Variants in ACYP2 observed in about 807,000 individuals in gnomAD.
ACYP2 encodes the protein acylphosphatase 2.
Under a neutral mutation model 11.2 loss-of-function variants are expected in ACYP2, and 12 were observed. That is an observed-to-expected ratio of 1.08 (90% CI 0.69 to 1.74). The LOEUF is 1.74. Among genes scored for constraint, ACYP2 ranks in the 40% most tolerant of loss-of-function variants. ACYP2 has a pLI of 0.00. For missense variants in ACYP2, 134 were observed against 101.9 expected (o/e 1.31, Z -1.35); for synonymous variants, 43 against 32.2 (o/e 1.33, Z -1.13).
intron 6 of ACYP2, among the ~76,000 whole-genome samples, chr2:54,206,604 C>T (rs929837156): frequency 9.2e-5 from 14 of 152,280 alleles, no homozygotes; most frequent in African/African-American, 3.1e-4. Flanking sequence ...TTTATTTATG[C>T]CAGGTGCCTA....
chr2:54,245,060 CTTCT>C (rs998092631), intron 6 of ACYP2, among the ~76,000 whole-genome samples: 2 of 152,122 alleles, frequency 1.3e-5, no homozygotes, highest in African/African-American at 4.8e-5. Context: ...CCTCTAGTAA[CTTCT>C]TTTCTACTTT....
chr2:54,186,318 T>G (rs939298664), intron 6 of ACYP2, among the ~76,000 whole-genome samples: 12 of 152,094 alleles, frequency 7.9e-5, no homozygotes, highest in African/African-American at 2.9e-4. Flanking sequence ...TATAGAGAAA[T>G]AGCTTCTCTC....
At chr2:54,202,590 T>C (rs1357321258) in intron 6 of ACYP2, among the ~76,000 whole-genome samples, 1 of 149,042 alleles carries the variant, frequency 6.7e-6, no homozygotes, top group Non-Finnish European at 1.5e-5. Flanking sequence ...GTATTTTAAG[T>C]AGAGACAGGG....
At chr2:54,217,741 G>T (rs954138454) in intron 6 of ACYP2, among the ~76,000 whole-genome samples, 1 of 152,072 alleles carries the variant, frequency 6.6e-6, no homozygotes, top group Non-Finnish European at 1.5e-5. Context: ...TTGGGGAAAA[G>T]ATCATGGGTT....
In ACYP2 at chr2:54,304,922, G is replaced by A. The variant is rs762051842; in HGVS notation, c.*120G>A. On this transcript the variant is annotated 3_prime_UTR_variant, in exon 7 of 7. Coordinates refer to ENST00000607452, the MANE Select transcript of ACYP2 (RefSeq NM_001320586.2). Reference sequence around the variant, plus strand: ...GAACTTTCTGTTCTGAAAGCTAAGCGACTGTACGTGCTACTAAAAATGTCT... The same window carrying A: ...GAACTTTCTGTTCTGAAAGCTAAGCAACTGTACGTGCTACTAAAAATGTCT... The A allele has an allele frequency of 5.9e-5, 29 of 490,110 alleles. No homozygotes were observed. Among genetic ancestry groups the A allele is most frequent in the South Asian group, 3.8e-4 (7 of 18,360 alleles). 30.4% of individuals were successfully genotyped at this position (490,110 alleles called of 1,614,324 possible).
rs1465407339 is a variant in ACYP2 at position 54,013,289 on chromosome 2, G to A, written c.63-37669G>A. On this transcript the variant is annotated intron_variant, in intron 2 of 6. Transcript: ENST00000607452. The stretch of plus-strand genomic sequence containing the variant: ...TGTGTGTGTGTGTGTGTGTGTGTGT[G>A]TGTGTGTGTGTGTGTGTGTGTGTGT... Among the ~76,000 whole-genome samples the A allele has an allele frequency of 4.3e-4, 63 of 146,596 alleles. 1 individual carries two copies. Among genetic ancestry groups the A allele is most frequent in the African/African-American group, 1.4e-3 (57 of 40,142 alleles).
At chr2:54,051,428 A>C in intron 3 of ACYP2, 1 of 717,740 alleles carries the variant, frequency 1.4e-6, no homozygotes, top group Non-Finnish European at 2.5e-6. Context: ...AGAGAAATGA[A>C]AATCTATATC....
At chr2:54,210,883 A>C (rs1381720839) in intron 6 of ACYP2, among the ~76,000 whole-genome samples, 6 of 152,204 alleles carry the variant, frequency 3.9e-5, no homozygotes, top group Admixed American at 3.9e-4. Context: ...AATTGCTGCT[A>C]GGCCCAGGAA....
intron 6 of ACYP2, among the ~76,000 whole-genome samples, chr2:54,301,302 A>G (rs952555296): frequency 4.6e-5 from 7 of 152,200 alleles, no homozygotes; most frequent in African/African-American, 1.4e-4. Context: ...CCAAAACACT[A>G]ATGTCTTCCT....
chr2:54,287,002 T>C (rs113916145), intron 6 of ACYP2, among the ~76,000 whole-genome samples: 3 of 152,184 alleles, frequency 2.0e-5, no homozygotes, highest in African/African-American at 7.2e-5. Context: ...ATTACCCTGG[T>C]GATTTAAAAA....
At chr2:54,166,875 A>C in intron 6 of ACYP2, 1 of 152,328 alleles carries the variant, frequency 6.6e-6, no homozygotes, top group Non-Finnish European at 1.5e-5. Flanking sequence ...CTCACAAGCC[A>C]GGAGGGCAGC....
At chr2:54,244,986 G>A (rs1686886931) in intron 6 of ACYP2, among the ~76,000 whole-genome samples, 1 of 152,042 alleles carries the variant, frequency 6.6e-6, no homozygotes, top group Admixed American at 6.6e-5. Flanking sequence ...TATTCTTCCT[G>A]TACAGCTGTA....
At chr2:54,145,763 G>A (rs1264249001) in intron 6 of ACYP2, among the ~76,000 whole-genome samples, 4 of 152,092 alleles carry the variant, frequency 2.6e-5, no homozygotes, top group African/African-American at 9.7e-5. Flanking sequence ...TCTAATGTTT[G>A]ACTATATACA....
chr2:54,184,248 C>T (rs941881656), intron 6 of ACYP2, among the ~76,000 whole-genome samples: 1 of 152,158 alleles, frequency 6.6e-6, no homozygotes, highest in African/African-American at 2.4e-5. Context: ...AAACATTTCT[C>T]AGGGACCTGA....
chr2:54,115,744 G>C, intron 4 of ACYP2: 1 of 1,612,760 alleles, frequency 6.2e-7, no homozygotes, highest in Non-Finnish European at 8.5e-7. Flanking sequence ...CGAGGTGTTC[G>C]GAAGAGTGCA....
At chr2:53,988,423 C>T (rs1672128736) in intron 2 of ACYP2, among the ~76,000 whole-genome samples, 1 of 152,074 alleles carries the variant, frequency 6.6e-6, no homozygotes, top group African/African-American at 2.4e-5. Context: ...TATTTTTAGA[C>T]AGGGTCTTGC....
intron 2 of ACYP2, among the ~76,000 whole-genome samples, chr2:53,986,682 TG>T (rs1672055759): frequency 6.7e-6 from 1 of 149,100 alleles, no homozygotes; most frequent in African/African-American, 2.5e-5. Context: ...TGGAGTGCAG[TG>T]GTGTGATCTT....
At chr2:54,088,378 C>A (rs1360914671) in intron 4 of ACYP2, among the ~76,000 whole-genome samples, 1 of 152,148 alleles carries the variant, frequency 6.6e-6, no homozygotes, top group Non-Finnish European at 1.5e-5. Context: ...AGGCCACTGT[C>A]CCTCCTGCTG....
chr2:54,124,486 A>G (rs1680357723), intron 4 of ACYP2, among the ~76,000 whole-genome samples: 2 of 152,076 alleles, frequency 1.3e-5, no homozygotes, highest in African/African-American at 4.8e-5. Flanking sequence ...GTGAGCCACC[A>G]CGCCCAGCCC....
Sources: allele counts gnomAD v4.1 joint callset (sites outside exome capture counted in the v4.1 genomes callset), GRCh38; gene constraint gnomAD v4.1.1; transcripts MANE v1.5; gene names NCBI Gene and HGNC (gene_info 2026-07-23, HGNC 2026-07-21).